Variants in PFKFB3 observed in about 807,000 individuals in gnomAD.
PFKFB3 encodes the protein 6-phosphofructo-2-kinase/fructose-2,6-bisphosphatase 3.
Under a neutral mutation model 68.0 loss-of-function variants are expected in PFKFB3, and 33 were observed. The observed-to-expected ratio is 0.49, with a 90% CI of 0.37 to 0.65. The LOEUF is 0.65. Ranked by LOEUF, PFKFB3 falls within the 30% of genes least tolerant of loss-of-function variation. The pLI is 0.00. For missense variants in PFKFB3, 586 were observed against 712.2 expected, an observed-to-expected ratio of 0.82 and a Z score of 2.02; for synonymous variants, 315 against 288.2, an observed-to-expected ratio of 1.09 and a Z score of -0.94.
chr10:6,249,873 G>A (rs996356468), intron 14 of PFKFB3, among the ~76,000 whole-genome samples: 4 of 152,138 alleles, frequency 2.6e-5, no homozygotes, highest in Non-Finnish European at 2.9e-5. Context: ...TTGAGGTGAC[G>A]TATATGTTAA....
chr10:6,239,959 C>A (rs961583469), downstream of PFKFB3, among the ~76,000 whole-genome samples: 4 of 152,318 alleles, frequency 2.6e-5, no homozygotes, highest in South Asian at 6.2e-4. Flanking sequence ...TAGGCATGAG[C>A]CACCGTGCCT....
exon 15 of PFKFB3, chr10:6,254,350 C>T: frequency 2.5e-6 from 1 of 398,600 alleles, no homozygotes; most frequent in Non-Finnish European, 4.4e-6. Context: ...CTTTCTGGCT[C>T]TGCGGCAAGC....
At chr10:6,174,588 A>G (rs1190466287) in intron 1 of PFKFB3, among the ~76,000 whole-genome samples, 3 of 152,014 alleles carry the variant, frequency 2.0e-5, no homozygotes, top group Non-Finnish European at 2.9e-5. Flanking sequence ...TTTCTGTGGC[A>G]CTGGGCCTGC....
chr10:6,163,206 C>T (rs1193570470), intron 1 of PFKFB3, among the ~76,000 whole-genome samples: 5 of 152,136 alleles, frequency 3.3e-5, no homozygotes, highest in Non-Finnish European at 2.9e-5. Flanking sequence ...ATCAGACATT[C>T]AATGCAGAGG....
chr10:6,322,484 T>G, the PFKFB3 span, among the ~76,000 whole-genome samples: 1 of 152,204 alleles, frequency 6.6e-6, no homozygotes, highest in Non-Finnish European at 1.5e-5. Context: ...CTGAATGATC[T>G]TTGAACAATG....
At position 6,154,415 on chromosome 10, in the gene PFKFB3, T is replaced by G. The variant is rs1237134473; in HGVS notation, c.16+9402T>G. On this transcript the variant is annotated intron_variant, in intron 1 of 14. Transcript: ENST00000379789. The surrounding 1 kb of genome is among the most constrained non-coding windows in gnomAD (Gnocchi z 4.6). ...TGCATGCTACCGCGTCCAGCTAATT[T>G]TTTTGTATTTTTAGTAGAGACGGAA... 2.6e-5 allele frequency among the ~76,000 whole-genome samples: 4 copies of G among 152,032 alleles called. No individual in the cohort carries two copies. The highest frequency in any genetic ancestry group is 4.4e-5 in the Non-Finnish European group (3 of 68,020).
chr10:6,212,937 T>G (rs2131932590), intron 1 of PFKFB3, among the ~76,000 whole-genome samples: 1 of 152,262 alleles, frequency 6.6e-6, no homozygotes, highest in Admixed American at 6.5e-5. Flanking sequence ...TGCCCCTCTG[T>G]CCCCATGTTG....
chr10:6,216,298 G>A, intron 4 of PFKFB3, 107 bp downstream of exon 4: 1 of 1,103,746 alleles, frequency 9.1e-7, no homozygotes, highest in Admixed American at 1.7e-5. Flanking sequence ...GAGGGTGGAG[G>A]AAAGCAGGTG....
At chr10:6,249,907 A>G (rs1846343500) in intron 14 of PFKFB3, among the ~76,000 whole-genome samples, 1 of 152,228 alleles carries the variant, frequency 6.6e-6, no homozygotes, top group Non-Finnish European at 1.5e-5. Flanking sequence ...GTTATTCCAC[A>G]TTGTATTCAT....
intron 1 of PFKFB3, among the ~76,000 whole-genome samples, chr10:6,178,762 G>GA (rs1343536773): frequency 6.6e-6 from 1 of 152,040 alleles, no homozygotes; most frequent in Admixed American, 6.5e-5. Flanking sequence ...GACTGGGGGG[G>GA]ATTTGAAGGC....
chr10:6,230,993 GAT>G (rs1845702348), intron 14 of PFKFB3, among the ~76,000 whole-genome samples: 5 of 152,202 alleles, frequency 3.3e-5, no homozygotes, highest in African/African-American at 1.2e-4. Context: ...TGGGATTACA[GAT>G]GTGAGCCACC....
Position 6,226,353 on chromosome 10 carries a change from G to A in PFKFB3, c.1503G>A (p.Gln501=). Residue 501 remains glutamine (Q), a synonymous_variant, in exon 14 of 15, where the codon CAG becomes CAA. Transcript: ENST00000379775. Reference sequence around the variant, plus strand: ...GCCTGCCCCCGGAGGTGCCCACGCAGCTGCCTGGACAAGTCAGTGCACTCC... The same window carrying A: ...GCCTGCCCCCGGAGGTGCCCACGCAACTGCCTGGACAAGTCAGTGCACTCC... ...PSCLPPEVPT[Q]LPGQNMKGSR... 1 of 1,612,776 alleles carries A rather than the reference G, an allele frequency of 6.2e-7. No individual in the cohort carries two copies. Among genetic ancestry groups the A allele is most frequent in the Non-Finnish European group, 8.5e-7 (1 of 1,179,472 alleles).
At chr10:6,242,453 C>T (rs1846160681) in intron 14 of PFKFB3, among the ~76,000 whole-genome samples, 1 of 152,198 alleles carries the variant, frequency 6.6e-6, no homozygotes, top group African/African-American at 2.4e-5. Context: ...CGTTTTCCAG[C>T]CTGATGGCAG....
At chr10:6,305,764 C>T in the PFKFB3 span, among the ~76,000 whole-genome samples, 1 of 152,192 alleles carries the variant, frequency 6.6e-6, no homozygotes, top group South Asian at 2.1e-4. Flanking sequence ...GCACCTTAAT[C>T]TCTCCAGAGA....
At chr10:6,251,543 C>T (rs1322123958) in intron 14 of PFKFB3, among the ~76,000 whole-genome samples, 1 of 152,104 alleles carries the variant, frequency 6.6e-6, no homozygotes, top group African/African-American at 2.4e-5. Context: ...TGGGAAGCCT[C>T]GCAAGAAGAG....
At chr10:6,242,992 G>A (rs1421234243) in intron 14 of PFKFB3, among the ~76,000 whole-genome samples, 1 of 152,198 alleles carries the variant, frequency 6.6e-6, no homozygotes, top group African/African-American at 2.4e-5. Flanking sequence ...ATATGACTTG[G>A]GGGAGGCTGT....
upstream of PFKFB3, among the ~76,000 whole-genome samples, chr10:6,200,942 T>C (rs1359751018): frequency 1.3e-5 from 2 of 152,198 alleles, no homozygotes; most frequent in Admixed American, 6.5e-5. Context: ...GCCGTCTCTC[T>C]GCTCTCCCTG....
the PFKFB3 span, among the ~76,000 whole-genome samples, chr10:6,288,225 T>C: frequency 2.0e-5 from 3 of 151,336 alleles, no homozygotes; most frequent in African/African-American, 7.3e-5. Flanking sequence ...TATTATACTT[T>C]AAGTTTTAGG....
intron 1 of PFKFB3, among the ~76,000 whole-genome samples, chr10:6,191,142 A>G (rs1843012872): frequency 6.6e-6 from 1 of 152,202 alleles, no homozygotes; most frequent in Non-Finnish European, 1.5e-5. Context: ...AATAACAAAG[A>G]TTAAATCTAT....
Sources: allele counts gnomAD v4.1 joint callset (sites outside exome capture counted in the v4.1 genomes callset), GRCh38; gene constraint gnomAD v4.1.1; non-coding constraint Gnocchi (gnomAD v3.1); transcripts MANE v1.5; gene names NCBI Gene and HGNC (gene_info 2026-07-23, HGNC 2026-07-21).